PRUNE2: variants seen among roughly 807,000 people sequenced by gnomAD.
The protein encoded by PRUNE2 is prune homolog 2 with BCH domain, also known as protein prune homolog 2.
Under a neutral mutation model 252.0 loss-of-function variants are expected in PRUNE2, and 164 were observed. That is an observed-to-expected ratio of 0.65 (90% CI 0.57 to 0.74). The LOEUF is 0.74. Among genes scored for constraint, PRUNE2 ranks in the 30% least tolerant of loss-of-function variants. The probability of loss-of-function intolerance (pLI) is 0.00; values close to 1 mark genes in which losing one functional copy is unlikely to be tolerated. For missense variants in PRUNE2, 3,495 were observed against 3,711.0 expected (o/e 0.94, Z 1.51); for synonymous variants, 1,292 against 1,350.2 (o/e 0.96, Z 0.94).
chr9:76,647,639 C>T (rs796583068), intron 11 of PRUNE2, among the ~76,000 whole-genome samples: 18 of 152,268 alleles, frequency 1.2e-4, no homozygotes, highest in African/African-American at 4.1e-4. Context: ...CTGATGAGGA[C>T]TGTTATCCAA....
chr9:76,690,077 C>T (rs1258937511), intron 9 of PRUNE2, among the ~76,000 whole-genome samples: 1 of 152,170 alleles, frequency 6.6e-6, no homozygotes, highest in Admixed American at 6.5e-5. Context: ...AGTGATAAAC[C>T]TATCCACAAG....
intron 9 of PRUNE2, among the ~76,000 whole-genome samples, chr9:76,698,923 C>T (rs2045636400): frequency 6.6e-6 from 1 of 152,128 alleles, no homozygotes; most frequent in Admixed American, 6.5e-5. Context: ...AATACCTCAC[C>T]TCACAGAGCT....
chr9:76,853,961 G>T, intron 2 of PRUNE2, 143 bp downstream of exon 2: 1 of 455,654 alleles, frequency 2.2e-6, no homozygotes, highest in Non-Finnish European at 3.9e-6. Flanking sequence ...TTGATTCATG[G>T]ATGATAATAC....
chr9:76,703,509 T>C lies in PRUNE2; in HGVS notation c.8104A>G (p.Lys2702Glu), dbSNP rs768910201. Reference protein sequence around the residue: ...SGPVSQSQKSKSRGRAGPDAV... With the variant: ...SGPVSQSQKSESRGRAGPDAV... ...TCCGGGCCAGCCCTGCCTCGGCTCT[T>C]ACTCTTCTGTGATTGGCTGACTGGA... Residue 2702 changes from lysine (K) to glutamate (E), a missense_variant, in exon 9 of 19, where the codon AAG becomes GAG. Lys to Glu is a moderately conservative substitution (Grantham distance 56, BLOSUM62 1). Transcript: ENST00000376718. 7.4e-6 allele frequency: 12 copies of C among 1,613,862 alleles called. No homozygotes were observed. The highest frequency in any genetic ancestry group is 1.0e-5 in the Non-Finnish European group (12 of 1,179,866).
At chr9:76,762,304 A>G (rs1214865317) in intron 6 of PRUNE2, among the ~76,000 whole-genome samples, 1 of 152,210 alleles carries the variant, frequency 6.6e-6, no homozygotes, top group African/African-American at 2.4e-5. Flanking sequence ...TTATTTCATC[A>G]AAAAGTGTGT....
chr9:76,626,869 T>G (rs1166807686), intron 16 of PRUNE2, among the ~76,000 whole-genome samples: 1 of 152,168 alleles, frequency 6.6e-6, no homozygotes, highest in Non-Finnish European at 1.5e-5. Flanking sequence ...ATATTTTAAT[T>G]AATTAATCAT....
At chr9:76,790,482 C>T (rs977564420) in intron 6 of PRUNE2, among the ~76,000 whole-genome samples, 1 of 152,184 alleles carries the variant, frequency 6.6e-6, no homozygotes, top group African/African-American at 2.4e-5. Flanking sequence ...CACAATAAAA[C>T]TGCTACTCTC....
intron 6 of PRUNE2, among the ~76,000 whole-genome samples, chr9:76,743,482 C>A (rs1183190738): frequency 6.6e-6 from 1 of 151,708 alleles, no homozygotes; most frequent in Admixed American, 6.6e-5. Flanking sequence ...GGGAACAGTC[C>A]CATAGAGGGA....
In PRUNE2 at chr9:76,632,516, G is replaced by T. The variant is rs567107403; in HGVS notation, c.9051-3226C>A. On this transcript the variant is annotated intron_variant, in intron 15 of 18. Coordinates refer to ENST00000376718, the MANE Select transcript of PRUNE2 (RefSeq NM_015225.3). The stretch of plus-strand genomic sequence containing the variant: ...TAGGCTGTGTCACCCTAGACCTGAG[G>T]TTGGTAAATGATAGCCCGTGGCTGA... 2.0e-5 allele frequency among the ~76,000 whole-genome samples: 3 copies of T among 152,288 alleles called. No individual in the cohort carries two copies. In the East Asian group the frequency reaches 5.8e-4, roughly 29 times the overall value.
At chr9:76,879,207 T>C (rs1359422144) in intron 1 of PRUNE2, among the ~76,000 whole-genome samples, 2 of 152,242 alleles carry the variant, frequency 1.3e-5, no homozygotes, top group Admixed American at 6.5e-5. Context: ...GTATGTGGTC[T>C]GTATGAGAGA....
chr9:76,784,038 T>A (rs1280344073), intron 6 of PRUNE2: 1 of 152,214 alleles, frequency 6.6e-6, no homozygotes. Flanking sequence ...CTGGCTCACT[T>A]GGATTTATCC....
intron 9 of PRUNE2, chr9:76,692,140 ATC>A: frequency 4.2e-6 from 3 of 717,468 alleles, no homozygotes; most frequent in Non-Finnish European, 7.8e-6. Flanking sequence ...GCTCTTCAGC[ATC>A]TCTCTTCTGA....
At chr9:76,629,907 C>T (rs1836735365) in intron 15 of PRUNE2, among the ~76,000 whole-genome samples, 2 of 152,170 alleles carry the variant, frequency 1.3e-5, no homozygotes, top group Admixed American at 6.5e-5. Flanking sequence ...TTTCTTATTA[C>T]AGCCTAGTGA....
chr9:76,884,474 T>G (rs2061975075), intron 1 of PRUNE2, among the ~76,000 whole-genome samples: 1 of 152,198 alleles, frequency 6.6e-6, no homozygotes, highest in Non-Finnish European at 1.5e-5. Context: ...AACTAAGACT[T>G]GGAGATGTAA....
In PRUNE2 at chr9:76,705,407, G is replaced by T. The variant is rs888651294; in HGVS notation, c.6867C>A (p.Asp2289Glu). The T allele has an allele frequency of 2.5e-6, 4 of 1,613,862 alleles. No individual in the cohort carries two copies. The Admixed American group carries it at 6.7e-5, about 27-fold the overall frequency. Residue 2289 changes from aspartate (D) to glutamate (E), a missense_variant, in exon 8 of 19, where the codon GAC becomes GAA. Coordinates refer to ENST00000376718, the MANE Select transcript of PRUNE2 (RefSeq NM_015225.3). Reference protein sequence around the residue: ...ALVPDALLASDTCLDISEAAF... With the variant: ...ALVPDALLASETCLDISEAAF... Reference sequence around the variant, plus strand: ...CAGCTTCGCTTATATCCAGACAAGTGTCTGAGGCTAGCAAAGCATCAGGAA... The same window carrying T: ...CAGCTTCGCTTATATCCAGACAAGTTTCTGAGGCTAGCAAAGCATCAGGAA...
chr9:76,806,758 T>C (rs2056972198), intron 6 of PRUNE2, among the ~76,000 whole-genome samples: 1 of 151,612 alleles, frequency 6.6e-6, no homozygotes, highest in Non-Finnish European at 1.5e-5. Context: ...GACCTCGTGA[T>C]CTGCCTGCCT....
Position 76,756,499 on chromosome 9 carries a change from G to A in PRUNE2, c.757-42778C>T, listed in dbSNP as rs368231522. Reference sequence around the variant, plus strand: ...TGGCTGTCGCAACTAGGAACCAGGCGCTGGCTTTCCATCCTAACATTTGAA... The same window carrying A: ...TGGCTGTCGCAACTAGGAACCAGGCACTGGCTTTCCATCCTAACATTTGAA... On this transcript the variant is annotated intron_variant, in intron 6 of 18. Transcript: ENST00000376718. Among the ~76,000 whole-genome samples the A allele has an allele frequency of 2.8e-3, 429 of 152,342 alleles. 3 individuals are homozygous for A. The highest frequency in any genetic ancestry group is 6.8e-3 in the Middle Eastern group (2 of 294).
chr9:76,809,320 T>C (rs567137516), intron 6 of PRUNE2, among the ~76,000 whole-genome samples: 1 of 152,282 alleles, frequency 6.6e-6, no homozygotes, highest in African/African-American at 2.4e-5. Flanking sequence ...TACTCAATAA[T>C]TTTTTTATTG....
intron 16 of PRUNE2, 139 bp from the exon 17 acceptor site, chr9:76,624,629 C>T (rs144035763): frequency 2.2e-5 from 11 of 509,866 alleles, no homozygotes; most frequent in Middle Eastern, 5.9e-4. Context: ...AGCCCTGAGA[C>T]GTACTCCTTC....
Sources: gnomAD v4.1 joint callset for allele counts (sites outside exome capture counted in the v4.1 genomes callset) on GRCh38, gnomAD v4.1.1 for gene constraint, MANE v1.5 for transcripts, NCBI Gene and HGNC (gene_info 2026-07-23, HGNC 2026-07-21) for gene names.